Variants in NOS1 observed in about 807,000 individuals in gnomAD.
NOS1 encodes NOS type I.
Under a neutral mutation model 164.5 loss-of-function variants are expected in NOS1, and 51 were observed. The observed-to-expected ratio is 0.31, with a 90% CI of 0.25 to 0.39. The LOEUF (loss-of-function observed/expected upper bound fraction) is 0.39. Among genes scored for constraint, NOS1 ranks in the 10% least tolerant of loss-of-function variants. The pLI, the probability that NOS1 is intolerant of heterozygous loss-of-function variation, is 1.00. For synonymous variants in NOS1, 719 were observed against 745.8 expected, an observed-to-expected ratio of 0.96 and a Z score of 0.59; for missense variants, 1,362 against 1,885.6, an observed-to-expected ratio of 0.72 and a Z score of 5.14.
At position 117,331,083 on chromosome 12, in the gene NOS1, C is replaced by T. The variant is rs905163696; in HGVS notation, c.-14G>A. On this transcript the variant is annotated 5_prime_UTR_variant, in exon 2 of 29. Coordinates refer to ENST00000317775, the MANE Select transcript of NOS1 (RefSeq NM_000620.5). ...GTGATCCTCCATGGTAACTAGCTTC[C>T]GAGGGGTCCTGTCTGAAGACCTCAC... 16 of 1,598,858 alleles carry T rather than the reference C, an allele frequency of 1.0e-5. No homozygotes were observed. Among genetic ancestry groups the T allele is most frequent in the Middle Eastern group, 1.7e-4 (1 of 6,000 alleles).
At chr12:117,287,800 A>G (rs1872805541) in intron 5 of NOS1, among the ~76,000 whole-genome samples, 1 of 152,236 alleles carries the variant, frequency 6.6e-6, no homozygotes, top group Non-Finnish European at 1.5e-5. Flanking sequence ...GAACATTCTT[A>G]CTGATGGTTC....
chr12:117,359,271 G>A (rs573218123), intron 1 of NOS1, among the ~76,000 whole-genome samples: 18 of 152,300 alleles, frequency 1.2e-4, no homozygotes, highest in Non-Finnish European at 2.1e-4. Context: ...CAAACCATCC[G>A]CTGAGATGCC....
intron 2 of NOS1, among the ~76,000 whole-genome samples, chr12:117,327,660 G>A (rs1875321648): frequency 6.6e-6 from 1 of 152,338 alleles, no homozygotes; most frequent in African/African-American, 2.4e-5. Context: ...CCCCACGCAT[G>A]CATCTACCTC....
Position 117,211,247 on chromosome 12 carries a change from C to T in NOS1, c.*4062G>A, listed in dbSNP as rs1008993115. On this transcript the variant is annotated 3_prime_UTR_variant, in exon 29 of 29. Transcript: ENST00000317775. ...TGCTGGGATTACAGACATGAGCTAC[C>T]GCGCCCAGCCTGCAAGATGCTTTAA... 21 of 985,224 alleles carry T rather than the reference C, an allele frequency of 2.1e-5. No homozygotes were observed. In the African/African-American group the frequency reaches 2.3e-4, roughly 11 times the overall value. 61.0% of individuals were successfully genotyped at this position (985,224 alleles called of 1,614,324 possible). A position where few individuals can be genotyped will look rare whatever the true frequency, so the allele number is the denominator to read the frequency against.
chr12:117,291,181 T>A lies in NOS1; in HGVS notation c.853-755A>T, dbSNP rs572343971. ...GTGAGCCAAGATTGCACCACTGCACTCCAGCCTGGGAGACAGAAGGAGCCT... is the reference window on the plus strand; with the variant it reads ...GTGAGCCAAGATTGCACCACTGCACACCAGCCTGGGAGACAGAAGGAGCCT... On this transcript the variant is annotated intron_variant, in intron 3 of 28. Coordinates refer to ENST00000317775, the MANE Select transcript of NOS1 (RefSeq NM_000620.5). 1.4e-4 allele frequency among the ~76,000 whole-genome samples: 22 copies of A among 152,194 alleles called. No homozygotes were observed. The South Asian group carries it at 4.6e-3, about 32-fold the overall frequency.
At position 117,208,158 on chromosome 12, in the gene NOS1, A is replaced by G. The variant is rs918271738; in HGVS notation, c.*7151T>C. 3.8e-6 allele frequency: 3 copies of G among 799,908 alleles called. No homozygotes were observed. The highest frequency in any genetic ancestry group is 5.1e-6 in the Non-Finnish European group (3 of 585,878). The allele number at this position is 799,908 out of a possible 1,614,324, so 49.6% of individuals were successfully genotyped here. ...CCAGCCAAGTTGAATCCACTTTTTA[A>G]TATTGTAACCATAATGCAAACAAGC... On this transcript the variant is annotated 3_prime_UTR_variant, in exon 29 of 29. Coordinates refer to ENST00000317775, the MANE Select transcript of NOS1 (RefSeq NM_000620.5).
At chr12:117,284,943 G>A (rs958032523) in intron 7 of NOS1, among the ~76,000 whole-genome samples, 2 of 151,586 alleles carry the variant, frequency 1.3e-5, no homozygotes, top group Non-Finnish European at 2.9e-5. Flanking sequence ...CCAGCTACTC[G>A]GTAGGCTGAG....
chr12:117,346,169 G>C (rs1200236439), intron 1 of NOS1, among the ~76,000 whole-genome samples: 1 of 152,136 alleles, frequency 6.6e-6, no homozygotes, highest in Non-Finnish European at 1.5e-5. Flanking sequence ...CAGACACTTG[G>C]TTAACAAAAC....
rs556514744 is a variant in NOS1 at position 117,252,765 on chromosome 12, A to C, written c.2648+873T>G. Among the ~76,000 whole-genome samples, 9 of 152,356 alleles carry C rather than the reference A, an allele frequency of 5.9e-5. No homozygotes were observed. In the South Asian group the frequency reaches 1.9e-3, roughly 32 times the overall value. On this transcript the variant is annotated intron_variant, in intron 17 of 28. Coordinates refer to ENST00000317775, the MANE Select transcript of NOS1 (RefSeq NM_000620.5). Reference sequence around the variant, plus strand: ...TAAAATGTCCTGGAGGACATAACAGATATTTCAATAGCTAGCAAACCAGTG... The same window carrying C: ...TAAAATGTCCTGGAGGACATAACAGCTATTTCAATAGCTAGCAAACCAGTG...
chr12:117,341,393 G>A (rs759029987), intron 1 of NOS1, among the ~76,000 whole-genome samples: 8 of 152,146 alleles, frequency 5.3e-5, no homozygotes, highest in Non-Finnish European at 1.2e-4. Flanking sequence ...TGAGGAGGAC[G>A]GTCTGGTTCA....
chr12:117,345,182 C>A (rs1876294451), intron 1 of NOS1, among the ~76,000 whole-genome samples: 1 of 152,008 alleles, frequency 6.6e-6, no homozygotes, highest in African/African-American at 2.4e-5. Context: ...TAGACGCCTG[C>A]CAGCTAATTT....
chr12:117,320,858 T>A (rs1874883639), intron 2 of NOS1, among the ~76,000 whole-genome samples: 1 of 152,192 alleles, frequency 6.6e-6, no homozygotes, highest in South Asian at 2.1e-4. Context: ...ATGGTTGGTA[T>A]CTTCTGGCCT....
intron 25 of NOS1, among the ~76,000 whole-genome samples, chr12:117,224,546 A>G (rs1016051033): frequency 4.6e-5 from 7 of 152,164 alleles, no homozygotes; most frequent in Non-Finnish European, 8.8e-5. Flanking sequence ...GGGTCTCCCA[A>G]AGTGCTGGGA....
At chr12:117,305,337 G>C (rs997974557) in intron 3 of NOS1, among the ~76,000 whole-genome samples, 1 of 152,056 alleles carries the variant, frequency 6.6e-6, no homozygotes, top group Non-Finnish European at 1.5e-5. Flanking sequence ...GGTGGTGGGC[G>C]CCTGTAGTCC....
At chr12:117,224,677 G>C (rs934637608) in intron 25 of NOS1, among the ~76,000 whole-genome samples, 1 of 152,202 alleles carries the variant, frequency 6.6e-6, no homozygotes, top group Non-Finnish European at 1.5e-5. Context: ...CATAGCACTT[G>C]CTCTTGAATA....
chr12:117,285,947 G>A (rs1168731433), intron 6 of NOS1, among the ~76,000 whole-genome samples, 157 bp downstream of exon 6: 1 of 152,190 alleles, frequency 6.6e-6, no homozygotes, highest in Admixed American at 6.5e-5. Flanking sequence ...AGCTGGCTGT[G>A]ATCTTGGAAT....
intron 13 of NOS1, 140 bp downstream of exon 13, chr12:117,263,749 A>C: frequency 1.6e-6 from 1 of 623,204 alleles, no homozygotes; most frequent in Admixed American, 2.7e-5. Context: ...GAGGCAAAGA[A>C]GGCCCAGGTG....
intron 22 of NOS1, among the ~76,000 whole-genome samples, chr12:117,230,636 T>C (rs765908413): frequency 6.6e-5 from 10 of 152,166 alleles, no homozygotes; most frequent in African/African-American, 9.6e-5. Context: ...GTGGTTCTCC[T>C]GGGTAGAATT....
rs537033521 is a variant in NOS1, at chr12:117,267,974, C to T, written c.1941+69G>A. 50 of 1,109,078 alleles carry T rather than the reference C, an allele frequency of 4.5e-5. No individual in the cohort carries two copies. The African/African-American group carries it at 6.2e-4, about 14-fold the overall frequency. 68.7% of individuals were successfully genotyped at this position (1,109,078 alleles called of 1,614,324 possible). On this transcript the variant is annotated intron_variant, in intron 11 of 28. Coordinates refer to ENST00000317775, the MANE Select transcript of NOS1 (RefSeq NM_000620.5). ...GGCAGTGAGGTCTCTTGATCCTCTG[C>T]ATCAAGGCTCTGAAAGGTTTGAACT...
Sources: gnomAD v4.1 joint callset for allele counts (sites outside exome capture counted in the v4.1 genomes callset) on GRCh38, gnomAD v4.1.1 for gene constraint, MANE v1.5 for transcripts, NCBI Gene and HGNC (gene_info 2026-07-23, HGNC 2026-07-21) for gene names.